Variants in RAP1GAP2 observed in about 807,000 individuals in gnomAD.
The protein encoded by RAP1GAP2 is RAP1 GTPase activating protein 2.
Under a neutral mutation model 95.0 loss-of-function variants are expected in RAP1GAP2, and 27 were observed. That is an observed-to-expected ratio of 0.28 (90% CI 0.21 to 0.39). The LOEUF is 0.39. Among genes scored for constraint, RAP1GAP2 ranks in the 10% least tolerant of loss-of-function variants. RAP1GAP2 has a pLI of 1.00. For synonymous variants in RAP1GAP2, 373 were observed against 380.9 expected (o/e 0.98, Z 0.24); for missense variants, 771 against 970.0 (o/e 0.79, Z 2.72).
At chr17:2,980,515 G>T (rs974697673) in intron 9 of RAP1GAP2, 150 bp downstream of exon 9, 34 of 751,372 alleles carry the variant, frequency 4.5e-5, no homozygotes, top group African/African-American at 4.4e-4. Flanking sequence ...ACTGATAGGG[G>T]TCTGGGAGGG....
intron 2 of RAP1GAP2, among the ~76,000 whole-genome samples, chr17:2,883,464 G>C (rs564993359): frequency 1.2e-3 from 188 of 152,274 alleles, no homozygotes; most frequent in Admixed American, 3.3e-3. Flanking sequence ...GCCTTTTAAC[G>C]GATGGATTTT....
At chr17:2,794,027 A>T (rs2068999747), upstream of RAP1GAP2, among the ~76,000 whole-genome samples, 1 of 135,912 alleles carries the variant, frequency 7.4e-6, no homozygotes, top group Admixed American at 8.3e-5. Context: ...TGAACCAGGG[A>T]GGTGGAGGTT....
At position 3,007,933 on chromosome 17, in the gene RAP1GAP2, G is replaced by T. The variant is rs1177981587; in HGVS notation, c.1360-78G>T. On this transcript the variant is annotated intron_variant, in intron 16 of 24. Coordinates refer to ENST00000254695, the MANE Select transcript of RAP1GAP2 (RefSeq NM_015085.5). ...GGCAGAATGTCAGCCTCCAGGCCAG[G>T]TGTCTGGAGCTCACAAGGAGCAGGC... is the stretch of plus-strand genomic sequence containing the variant. The T allele has an allele frequency of 4.0e-6, 6 of 1,515,030 alleles. No homozygotes were observed. In the Admixed American group the frequency reaches 1.1e-4, roughly 28 times the overall value. The allele number at this position is 1,515,030 out of a possible 1,614,324, so 93.8% of individuals were successfully genotyped here. A position where few individuals can be genotyped will look rare whatever the true frequency, so the allele number is the denominator to read the frequency against.
At chr17:2,790,587 G>C (rs906281969) in intron 1 of RAP1GAP2, among the ~76,000 whole-genome samples, 4 of 151,612 alleles carry the variant, frequency 2.6e-5, no homozygotes, top group African/African-American at 9.8e-5. Flanking sequence ...TAGTACTGGG[G>C]CTGGAATGGG....
chr17:2,798,698 C>T (rs1002453561), intron 1 of RAP1GAP2, among the ~76,000 whole-genome samples: 5 of 152,134 alleles, frequency 3.3e-5, no homozygotes. Flanking sequence ...CCTTGGCTTC[C>T]TGAAAGGGAA....
chr17:2,860,557 G>A (rs967449895), intron 2 of RAP1GAP2, among the ~76,000 whole-genome samples: 2 of 149,600 alleles, frequency 1.3e-5, no homozygotes, highest in East Asian at 3.9e-4. Context: ...CTCTCCTGTG[G>A]AAAGCTCTCC....
chr17:2,971,761 T>C (rs2044875248), intron 8 of RAP1GAP2, among the ~76,000 whole-genome samples: 1 of 152,126 alleles, frequency 6.6e-6, no homozygotes. Flanking sequence ...AGCTGCTCAG[T>C]AATGGTGGCT....
chr17:2,883,297 G>C (rs540340925), intron 2 of RAP1GAP2, among the ~76,000 whole-genome samples: 177 of 152,316 alleles, frequency 1.2e-3, no homozygotes, highest in Non-Finnish European at 1.8e-3. Flanking sequence ...TCTGTCTGCA[G>C]GTCGGTGTCC....
intron 2 of RAP1GAP2, among the ~76,000 whole-genome samples, chr17:2,881,113 T>C (rs1007775070): frequency 6.6e-6 from 1 of 151,822 alleles, no homozygotes; most frequent in African/African-American, 2.4e-5. Flanking sequence ...ATGCAAAAAT[T>C]AGCTGGGCAT....
intron 2 of RAP1GAP2, among the ~76,000 whole-genome samples, chr17:2,898,824 C>T (rs1051986510): frequency 6.7e-6 from 1 of 150,256 alleles, no homozygotes; most frequent in East Asian, 1.9e-4. Context: ...TTCCTCATAA[C>T]GCCCCATGAG....
Position 2,855,247 on chromosome 17 carries a change from G to A in RAP1GAP2, c.81-50037G>A, listed in dbSNP as rs562763601. 2.6e-5 allele frequency among the ~76,000 whole-genome samples: 4 copies of A among 152,308 alleles called. No individual in the cohort carries two copies. The highest frequency in any genetic ancestry group is 7.2e-5 in the African/African-American group (3 of 41,566). On this transcript the variant is annotated intron_variant, in intron 2 of 24. Coordinates refer to ENST00000254695, the MANE Select transcript of RAP1GAP2 (RefSeq NM_015085.5). This position sits in a 1 kb window ranked among gnomAD's most constrained non-coding sequence, Gnocchi z 4.3. ...TGAATTTCCCGTGAAAATGACATAAGGTGGTTCAGCATGAAATAACATTGA... is the reference window on the plus strand; with the variant it reads ...TGAATTTCCCGTGAAAATGACATAAAGTGGTTCAGCATGAAATAACATTGA...
chr17:2,797,623 T>G lies in RAP1GAP2; in HGVS notation c.44+1052T>G, dbSNP rs774950423. 9 of 905,216 alleles carry G rather than the reference T, an allele frequency of 9.9e-6. No homozygotes were observed. The highest frequency in any genetic ancestry group is 1.2e-5 in the Non-Finnish European group (9 of 756,940). 56.1% of individuals were successfully genotyped at this position (905,216 alleles called of 1,614,324 possible). On this transcript the variant is annotated intron_variant, in intron 1 of 24. Transcript: ENST00000254695. This position sits in a 1 kb window ranked among gnomAD's most constrained non-coding sequence, Gnocchi z 5.6. The stretch of plus-strand genomic sequence containing the variant: ...GTGTGGCTTATTTCCCTCTTCCTCC[T>G]CTTCAAAAGCACTTTGCCATCCATC...
At chr17:2,860,137 C>G (rs781726183) in intron 2 of RAP1GAP2, among the ~76,000 whole-genome samples, 5 of 152,062 alleles carry the variant, frequency 3.3e-5, no homozygotes, top group Non-Finnish European at 7.4e-5. Context: ...GCCTTGCAGT[C>G]CCAGAGTCCC....
chr17:2,806,478 C>T (rs2069524366), intron 2 of RAP1GAP2, among the ~76,000 whole-genome samples: 2 of 151,086 alleles, frequency 1.3e-5, no homozygotes, highest in African/African-American at 2.4e-5. Context: ...CTGCAACCTC[C>T]ACCTCCTGGG....
At chr17:2,834,303 C>T (rs11658501) in intron 2 of RAP1GAP2, among the ~76,000 whole-genome samples, 1 of 152,102 alleles carries the variant, frequency 6.6e-6, no homozygotes. Context: ...AATGCATTTC[C>T]CTTGCTGAAG....
At chr17:2,977,029 C>T (rs1032730210) in intron 8 of RAP1GAP2, among the ~76,000 whole-genome samples, 10 of 150,062 alleles carry the variant, frequency 6.7e-5, no homozygotes, top group East Asian at 3.9e-4. Flanking sequence ...TCCAGCTACT[C>T]GGGAGGCGGA....
chr17:2,940,402 C>G (rs554142593), intron 3 of RAP1GAP2, among the ~76,000 whole-genome samples: 2 of 152,346 alleles, frequency 1.3e-5, no homozygotes, highest in South Asian at 4.1e-4. Context: ...TCTCGGCTCC[C>G]TGCCGGGGCC....
intron 1 of RAP1GAP2, among the ~76,000 whole-genome samples, chr17:2,787,693 G>T (rs574177368): frequency 1.3e-5 from 2 of 152,058 alleles, no homozygotes; most frequent in East Asian, 3.9e-4. Flanking sequence ...TCAGCCTCCC[G>T]AGTAGCTGGG....
intron 2 of RAP1GAP2, among the ~76,000 whole-genome samples, chr17:2,859,076 A>G (rs1006313212): frequency 1.4e-5 from 2 of 147,480 alleles, no homozygotes; most frequent in Admixed American, 1.3e-4. Flanking sequence ...GTGATGGGTG[A>G]TGTGTCTCTT....
Sources: allele counts gnomAD v4.1 joint callset (sites outside exome capture counted in the v4.1 genomes callset), GRCh38; gene constraint gnomAD v4.1.1; non-coding constraint Gnocchi (gnomAD v3.1); transcripts MANE v1.5; gene names NCBI Gene and HGNC (gene_info 2026-07-23, HGNC 2026-07-21).